Variants in ZBTB16 observed in about 807,000 individuals in gnomAD.
The protein encoded by ZBTB16 is zinc finger and BTB domain-containing protein 16.
ZBTB16 carries 8 observed loss-of-function variants against 56.8 expected under a neutral mutation model. That is an observed-to-expected ratio of 0.14 (90% CI 0.08 to 0.25). The LOEUF (loss-of-function observed/expected upper bound fraction) is 0.25. Among genes scored for constraint, ZBTB16 ranks in the 10% least tolerant of loss-of-function variants. ZBTB16 has a pLI of 1.00. For missense variants in ZBTB16, 625 were observed against 903.0 expected (o/e 0.69, Z 3.95); for synonymous variants, 363 against 368.5 (o/e 0.98, Z 0.17).
intron 2 of ZBTB16, among the ~76,000 whole-genome samples, chr11:114,117,891 T>TC (rs1337998397): frequency 2.6e-5 from 4 of 152,300 alleles, no homozygotes; most frequent in Admixed American, 1.3e-4. Flanking sequence ...TCAAAGACCT[T>TC]CATTCATGTG....
intron 2 of ZBTB16, among the ~76,000 whole-genome samples, chr11:114,117,785 G>A (rs978775847): frequency 6.6e-6 from 1 of 152,178 alleles, no homozygotes; most frequent in Non-Finnish European, 1.5e-5. Context: ...ATTGAGTTCT[G>A]ATGATATTTT....
At chr11:114,170,433 T>C (rs528170424) in intron 3 of ZBTB16, among the ~76,000 whole-genome samples, 1 of 152,304 alleles carries the variant, frequency 6.6e-6, no homozygotes, top group Admixed American at 6.5e-5. Context: ...GTTCACCGCG[T>C]AGATGGAAGC....
intron 4 of ZBTB16, among the ~76,000 whole-genome samples, chr11:114,234,043 C>T (rs1944511454): frequency 6.6e-6 from 1 of 152,192 alleles, no homozygotes; most frequent in Non-Finnish European, 1.5e-5. Context: ...CAAACTCCTC[C>T]CCTTTTTTGT....
At chr11:114,106,950 G>A (rs149728128) in intron 2 of ZBTB16, among the ~76,000 whole-genome samples, 4 of 152,194 alleles carry the variant, frequency 2.6e-5, no homozygotes, top group African/African-American at 9.6e-5. Flanking sequence ...CTGCTAGATG[G>A]GCTTTTTATT....
At chr11:114,211,185 G>A (rs1244142138) in intron 4 of ZBTB16, among the ~76,000 whole-genome samples, 1 of 152,336 alleles carries the variant, frequency 6.6e-6, no homozygotes, top group East Asian at 1.9e-4. Flanking sequence ...GCCTCCCAGA[G>A]TGCTGGGATT....
intron 4 of ZBTB16, among the ~76,000 whole-genome samples, chr11:114,234,837 C>T (rs980380452): frequency 5.9e-5 from 9 of 152,230 alleles, no homozygotes; most frequent in South Asian, 2.1e-4. Flanking sequence ...TCTCTCTTGC[C>T]GAGTGGATGG....
At chr11:114,202,792 G>T (rs574934084) in intron 4 of ZBTB16, among the ~76,000 whole-genome samples, 3 of 152,292 alleles carry the variant, frequency 2.0e-5, no homozygotes, top group African/African-American at 7.2e-5. Context: ...AAAAGTGTGT[G>T]TGTGAGATTG....
chr11:114,149,921 G>A (rs529924281), intron 2 of ZBTB16, among the ~76,000 whole-genome samples: 1 of 152,294 alleles, frequency 6.6e-6, no homozygotes, highest in Non-Finnish European at 1.5e-5. Flanking sequence ...TTGTCTTAGG[G>A]TGGTTGGAAA....
intron 3 of ZBTB16, among the ~76,000 whole-genome samples, chr11:114,158,283 G>T (rs1445225156): frequency 6.6e-6 from 1 of 152,140 alleles, no homozygotes; most frequent in Non-Finnish European, 1.5e-5. Flanking sequence ...CCTCTCAGCC[G>T]CAGTAAGCGT....
chr11:114,171,489 C>T (rs1942966463), intron 3 of ZBTB16, among the ~76,000 whole-genome samples: 1 of 152,230 alleles, frequency 6.6e-6, no homozygotes, highest in South Asian at 2.1e-4. Context: ...GGTGGCCTGC[C>T]TCACCTCTGG....
Position 114,252,185 on chromosome 11 carries a change from C to T in ZBTB16, c.*1630C>T, listed in dbSNP as rs931612060. The stretch of plus-strand genomic sequence containing the variant: ...GGCACTAGGGAGTCACTTTTGGCTC[C>T]GCTGGTGCATGAAGTCACCTGTGGC... On this transcript the variant is annotated 3_prime_UTR_variant, in exon 7 of 7. Transcript: ENST00000335953. Among the ~76,000 whole-genome samples the T allele has an allele frequency of 6.6e-6, 1 of 152,050 alleles. No homozygotes were observed. Among genetic ancestry groups the T allele is most frequent in the East Asian group, 1.9e-4 (1 of 5,180 alleles).
At chr11:114,209,381 T>A in intron 4 of ZBTB16, 2 of 985,368 alleles carry the variant, frequency 2.0e-6, no homozygotes, top group Non-Finnish European at 2.4e-6. Context: ...GTTAATGGTG[T>A]CTGGGATTTG....
At chr11:114,154,735 T>G (rs1398843549) in intron 2 of ZBTB16, among the ~76,000 whole-genome samples, 1 of 152,080 alleles carries the variant, frequency 6.6e-6, no homozygotes, top group African/African-American at 2.4e-5. Context: ...GATAAGGGTG[T>G]GTGTGTGTGT....
rs141882336 is a variant in ZBTB16 at position 114,226,840 on chromosome 11, G to A, written c.1454-15327G>A. Reference sequence around the variant, plus strand: ...GTAGTTCCAGATGTGGGGGTAATGGGAAATGCTAGTGGGCAATGTGCTCTT... The same window carrying A: ...GTAGTTCCAGATGTGGGGGTAATGGAAAATGCTAGTGGGCAATGTGCTCTT... On this transcript the variant is annotated intron_variant, in intron 4 of 6. Transcript: ENST00000335953. Among the ~76,000 whole-genome samples the A allele has an allele frequency of 4.1e-3, 618 of 152,272 alleles. 1 individual carries two copies. Among genetic ancestry groups the A allele is most frequent in the Non-Finnish European group, 6.9e-3 (468 of 68,000 alleles).
intron 4 of ZBTB16, among the ~76,000 whole-genome samples, chr11:114,236,946 G>A (rs778304276): frequency 1.3e-5 from 2 of 152,248 alleles, no homozygotes; most frequent in Non-Finnish European, 2.9e-5. Flanking sequence ...CCTAAGTGGT[G>A]TAACTCCTCA....
intron 4 of ZBTB16, among the ~76,000 whole-genome samples, chr11:114,234,943 G>A (rs1040794218): frequency 6.6e-6 from 1 of 152,140 alleles, no homozygotes; most frequent in Non-Finnish European, 1.5e-5. Flanking sequence ...TGGTTTGAGT[G>A]TGTGGTCACG....
chr11:114,061,821 A>G (rs754227413), intron 1 of ZBTB16, among the ~76,000 whole-genome samples: 1 of 152,036 alleles, frequency 6.6e-6, no homozygotes, highest in African/African-American at 2.4e-5. Context: ...TGCTGGTGCC[A>G]ATATCACTTC....
chr11:114,178,785 C>T (rs1234393424), intron 3 of ZBTB16, among the ~76,000 whole-genome samples: 1 of 152,178 alleles, frequency 6.6e-6, no homozygotes, highest in African/African-American at 2.4e-5. Context: ...TTCCCTCAGC[C>T]ATAGAGATGT....
intron 2 of ZBTB16, among the ~76,000 whole-genome samples, chr11:114,150,334 A>G (rs919550759): frequency 5.9e-5 from 9 of 152,216 alleles, no homozygotes; most frequent in Admixed American, 6.5e-5. Flanking sequence ...AAAGACACAT[A>G]GAAAGTACAG....
Sources: gnomAD v4.1 joint callset for allele counts (sites outside exome capture counted in the v4.1 genomes callset) on GRCh38, gnomAD v4.1.1 for gene constraint, MANE v1.5 for transcripts, NCBI Gene and HGNC (gene_info 2026-07-23, HGNC 2026-07-21) for gene names.